MOB3B: variants seen among roughly 807,000 people sequenced by gnomAD.
The protein encoded by MOB3B is MOB kinase activator-like 2B.
A neutral mutation model predicts 18.7 loss-of-function variants in MOB3B; 7 were observed. The observed-to-expected ratio is 0.37, with a 90% confidence interval of 0.21 to 0.70. The LOEUF is 0.70. Ranked by LOEUF, MOB3B falls within the 30% of genes least tolerant of loss-of-function variation. The probability of loss-of-function intolerance (pLI) is 0.52; values close to 1 mark genes in which losing one functional copy is unlikely to be tolerated. For synonymous variants in MOB3B, 111 were observed against 99.9 expected (o/e 1.11, Z -0.66); for missense variants, 253 against 281.3 (o/e 0.90, Z 0.72).
At chr9:27,389,072 G>A (rs1821690039) in intron 2 of MOB3B, among the ~76,000 whole-genome samples, 1 of 152,100 alleles carries the variant, frequency 6.6e-6, no homozygotes, top group Admixed American at 6.6e-5. Flanking sequence ...CTCCTTTGAT[G>A]GTATCCCACT....
intron 2 of MOB3B, among the ~76,000 whole-genome samples, chr9:27,425,887 A>G (rs1822321351): frequency 6.6e-6 from 1 of 152,162 alleles, no homozygotes; most frequent in South Asian, 2.1e-4. Flanking sequence ...AAGGGCCTGA[A>G]ATGAGGGACT....
chr9:27,418,186 G>T (rs1822183978), intron 2 of MOB3B, among the ~76,000 whole-genome samples: 1 of 149,330 alleles, frequency 6.7e-6, no homozygotes, highest in Admixed American at 6.7e-5. Context: ...CAGCGAGATT[G>T]AAATGGTAAC....
At chr9:27,401,866 G>A (rs1481451157) in intron 2 of MOB3B, among the ~76,000 whole-genome samples, 1 of 152,172 alleles carries the variant, frequency 6.6e-6, no homozygotes, top group Non-Finnish European at 1.5e-5. Context: ...AATTTTGGGA[G>A]CTAAACTTCA....
intron 1 of MOB3B, among the ~76,000 whole-genome samples, chr9:27,509,877 A>T (rs1820117443): frequency 6.6e-6 from 1 of 152,094 alleles, no homozygotes; most frequent in African/African-American, 2.4e-5. Context: ...GGCGCGCAGC[A>T]CCGCGTCCGG....
intron 2 of MOB3B, among the ~76,000 whole-genome samples, chr9:27,392,600 A>T (rs1026012435): frequency 6.6e-6 from 1 of 152,194 alleles, no homozygotes; most frequent in Non-Finnish European, 1.5e-5. Context: ...AATAAAAGAC[A>T]ATCCTTTACA....
At chr9:27,436,065 C>T (rs1327703181) in intron 2 of MOB3B, among the ~76,000 whole-genome samples, 1 of 152,186 alleles carries the variant, frequency 6.6e-6, no homozygotes, top group Non-Finnish European at 1.5e-5. Flanking sequence ...TGTTGTTCTA[C>T]CCCGCTACCC....
chr9:27,516,241 T>G (rs539682108), intron 1 of MOB3B, among the ~76,000 whole-genome samples: 5 of 152,306 alleles, frequency 3.3e-5, no homozygotes, highest in East Asian at 1.9e-4. Flanking sequence ...GCCACCTAAG[T>G]TATGGTGATT....
At chr9:27,335,219 A>G (rs184054515) in intron 3 of MOB3B, among the ~76,000 whole-genome samples, 7 of 152,328 alleles carry the variant, frequency 4.6e-5, no homozygotes, top group Admixed American at 6.5e-5. Context: ...ATTATGAAAC[A>G]AGCGCCAAAA....
At chr9:27,370,510 GA>G (rs956817376) in intron 2 of MOB3B, among the ~76,000 whole-genome samples, 15 of 140,518 alleles carry the variant, frequency 1.1e-4, no homozygotes, top group Admixed American at 3.6e-4. Flanking sequence ...CTCCATCTCA[GA>G]AAAAAAAAAA....
chr9:27,402,904 G>C (rs1197578118), intron 2 of MOB3B, among the ~76,000 whole-genome samples: 1 of 152,224 alleles, frequency 6.6e-6, no homozygotes. Context: ...TGTGCGATGA[G>C]CCTTTAGCTG....
chr9:27,524,870 C>T, intron 1 of MOB3B: 4 of 1,613,986 alleles, frequency 2.5e-6, no homozygotes, highest in Non-Finnish European at 3.4e-6. Context: ...AAAAGAAATA[C>T]AGTGACTGTG....
At chr9:27,458,258 A>G (rs1587230429) in intron 1 of MOB3B, among the ~76,000 whole-genome samples, 1 of 152,116 alleles carries the variant, frequency 6.6e-6, no homozygotes, top group Non-Finnish European at 1.5e-5. Flanking sequence ...TCCCTCAGCC[A>G]GGAGTGTCTG....
chr9:27,485,629 ATCC>A (rs1314559723), intron 1 of MOB3B, among the ~76,000 whole-genome samples: 1 of 152,154 alleles, frequency 6.6e-6, no homozygotes, highest in African/African-American at 2.4e-5. Flanking sequence ...CTGATTTTAC[ATCC>A]TACATTCTCT....
rs1820758949 is a variant in MOB3B, at chr9:27,329,581, G to C, written c.*1006C>G. ...AGAAGGCTAGTGGGGAGGGTTACAA[G>C]TCAGCCGTCTGGGTGTTAAATCTAC... On this transcript the variant is annotated 3_prime_UTR_variant, in exon 4 of 4. Transcript: ENST00000262244. 1 of 152,256 alleles carries C rather than the reference G, an allele frequency of 6.6e-6. No homozygotes were observed. The highest frequency in any genetic ancestry group is 1.5e-5 in the Non-Finnish European group (1 of 67,972). 9.4% of individuals were successfully genotyped at this position (152,256 alleles called of 1,614,324 possible).
chr9:27,517,846 T>C (rs946814553), intron 1 of MOB3B, among the ~76,000 whole-genome samples: 16 of 152,010 alleles, frequency 1.1e-4, no homozygotes, highest in African/African-American at 3.4e-4. Flanking sequence ...AGTGAGTATA[T>C]AAATAACTTA....
chr9:27,362,423 G>A (rs1173647019), intron 2 of MOB3B, among the ~76,000 whole-genome samples: 2 of 152,084 alleles, frequency 1.3e-5, no homozygotes, highest in African/African-American at 4.8e-5. Flanking sequence ...ATTAGTATCT[G>A]TACTGTGCTT....
chr9:27,490,526 G>C (rs1819799989), intron 1 of MOB3B, among the ~76,000 whole-genome samples: 1 of 152,144 alleles, frequency 6.6e-6, no homozygotes, highest in South Asian at 2.1e-4. Flanking sequence ...GAATTTGTCT[G>C]GTAGGAGACA....
intron 3 of MOB3B, among the ~76,000 whole-genome samples, chr9:27,339,248 G>GC (rs1820906827): frequency 6.6e-6 from 1 of 152,208 alleles, no homozygotes; most frequent in Non-Finnish European, 1.5e-5. Flanking sequence ...CAGGCATGAG[G>GC]CCTAAACATT....
intron 3 of MOB3B, among the ~76,000 whole-genome samples, chr9:27,341,608 C>T (rs767023871): frequency 5.3e-5 from 8 of 152,184 alleles, no homozygotes; most frequent in Non-Finnish European, 8.8e-5. Context: ...AGTTTGACTA[C>T]CACCTATTGA....
Sources: allele counts gnomAD v4.1 joint callset (sites outside exome capture counted in the v4.1 genomes callset), GRCh38; gene constraint gnomAD v4.1.1; transcripts MANE v1.5; gene names NCBI Gene and HGNC (gene_info 2026-07-23, HGNC 2026-07-21).